HOMER1: variants seen among roughly 807,000 people sequenced by gnomAD.
HOMER1 encodes the protein homer protein homolog 1.
Under a neutral mutation model 48.9 loss-of-function variants are expected in HOMER1, and 3 were observed. The observed-to-expected ratio is 0.06, with a 90% CI of 0.03 to 0.16. HOMER1 has a LOEUF of 0.16. HOMER1 is among the 10% of genes least tolerant of loss of function. The probability of loss-of-function intolerance (pLI) is 1.00; values close to 1 mark genes in which losing one functional copy is unlikely to be tolerated. For synonymous variants in HOMER1, 134 were observed against 146.4 expected, an observed-to-expected ratio of 0.92 and a Z score of 0.61; for missense variants, 247 against 411.4, an observed-to-expected ratio of 0.60 and a Z score of 3.46.
intron 8 of HOMER1, among the ~76,000 whole-genome samples, chr5:79,389,294 A>G (rs13360983): frequency 0.4 from 60,365 of 151,972 alleles, 12,852 homozygotes; most frequent in East Asian, 0.54. Flanking sequence ...TAAATAAGCA[A>G]GATCTCAGAA....
At chr5:79,429,700 A>C (rs1941154990) in intron 5 of HOMER1, among the ~76,000 whole-genome samples, 1 of 152,204 alleles carries the variant, frequency 6.6e-6, no homozygotes, top group South Asian at 2.1e-4. Context: ...AAGTGCAAGA[A>C]AGAAAAAAAT....
At chr5:79,450,647 G>C (rs182307980) in intron 3 of HOMER1, among the ~76,000 whole-genome samples, 196 of 152,298 alleles carry the variant, frequency 1.3e-3, no homozygotes, top group Non-Finnish European at 2.3e-3. Flanking sequence ...CAATTCAAAA[G>C]AGCTTGGTAT....
rs538866966 is a variant in HOMER1 at position 79,512,347 on chromosome 5, T to C, written c.5+423A>G. Among the ~76,000 whole-genome samples, 9 of 152,352 alleles carry C rather than the reference T, an allele frequency of 5.9e-5. No individual in the cohort carries two copies. The East Asian group carries it at 1.7e-3, about 29-fold the overall frequency. On this transcript the variant is annotated intron_variant, in intron 1 of 8. Coordinates refer to ENST00000334082, the MANE Select transcript of HOMER1 (RefSeq NM_004272.5). ...TTTACTCTGGATCACTTTCAAGGACTGTTGTCTAACCACTCATTAAAATCG... is the reference window on the plus strand; with the variant it reads ...TTTACTCTGGATCACTTTCAAGGACCGTTGTCTAACCACTCATTAAAATCG...
chr5:79,465,002 TA>T (rs973985544), intron 1 of HOMER1, among the ~76,000 whole-genome samples: 1 of 152,152 alleles, frequency 6.6e-6, no homozygotes, highest in African/African-American at 2.4e-5. Flanking sequence ...AACCTTGCTA[TA>T]ATAGAAGTAT....
intron 5 of HOMER1, among the ~76,000 whole-genome samples, chr5:79,413,120 A>G (rs1749850154): frequency 6.6e-6 from 1 of 152,216 alleles, no homozygotes; most frequent in African/African-American, 2.4e-5. Flanking sequence ...AAAATGGGAG[A>G]AAAATTTGAT....
At chr5:79,426,045 G>GA (rs777851353) in intron 5 of HOMER1, among the ~76,000 whole-genome samples, 2,330 of 129,716 alleles carry the variant, frequency 0.018, 36 homozygotes, top group African/African-American at 0.046. Context: ...GATGAAAATT[G>GA]AAAAAAAAAA....
At chr5:79,466,112 A>G (rs1232024642) in intron 1 of HOMER1, among the ~76,000 whole-genome samples, 1 of 152,146 alleles carries the variant, frequency 6.6e-6, no homozygotes, top group Admixed American at 6.6e-5. Context: ...TATGTATTAA[A>G]TAACTGCCAA....
At chr5:79,493,073 C>T (rs970977059) in intron 1 of HOMER1, among the ~76,000 whole-genome samples, 2 of 151,998 alleles carry the variant, frequency 1.3e-5, no homozygotes, top group African/African-American at 2.4e-5. Flanking sequence ...CATGCACCAC[C>T]ACACCTGGCT....
chr5:79,505,530 A>T (rs1752743634), intron 1 of HOMER1, among the ~76,000 whole-genome samples: 1 of 152,204 alleles, frequency 6.6e-6, no homozygotes, highest in African/African-American at 2.4e-5. Flanking sequence ...CTCAATTCTT[A>T]CAACTTTTGT....
At chr5:79,387,336 C>T (rs1170990274) in intron 8 of HOMER1, among the ~76,000 whole-genome samples, 1 of 151,900 alleles carries the variant, frequency 6.6e-6, no homozygotes, top group Non-Finnish European at 1.5e-5. Context: ...ACTATGTTGC[C>T]CAGGCTAGTT....
rs1412636942 is a variant in HOMER1 at position 79,483,262 on chromosome 5, A to C, written c.6-26244T>G. 2.0e-5 allele frequency among the ~76,000 whole-genome samples: 3 copies of C among 152,200 alleles called. No individual in the cohort carries two copies. The East Asian group carries it at 5.8e-4, about 29-fold the overall frequency. ...CTTCTCATTGGAAACAATGCAAACC[A>C]GAAGAAGACAGAATATCTATAAAGT... On this transcript the variant is annotated intron_variant, in intron 1 of 8. Transcript: ENST00000334082.
intron 8 of HOMER1, among the ~76,000 whole-genome samples, chr5:79,381,566 A>G (rs1406917372): frequency 6.6e-6 from 1 of 152,230 alleles, no homozygotes; most frequent in Non-Finnish European, 1.5e-5. Context: ...AAAGAAGCTT[A>G]GTGAGATACA....
intron 5 of HOMER1, among the ~76,000 whole-genome samples, chr5:79,429,102 C>T (rs930788459): frequency 2.0e-5 from 3 of 152,206 alleles, no homozygotes; most frequent in African/African-American, 7.2e-5. Flanking sequence ...CAGTGGCTCA[C>T]ACCTGTAATT....
chr5:79,386,982 T>A (rs1183919986), intron 8 of HOMER1, among the ~76,000 whole-genome samples: 6 of 111,966 alleles, frequency 5.4e-5, no homozygotes, highest in African/African-American at 2.1e-4. Context: ...CTTCCTTCCC[T>A]CCCTCTCTGA....
chr5:79,500,963 G>GACACACACACACACACACACACACACAC (rs140189642), intron 1 of HOMER1, among the ~76,000 whole-genome samples: 10 of 101,680 alleles, frequency 9.8e-5, no homozygotes, highest in African/African-American at 3.3e-4. Flanking sequence ...GAGACAGACA[G>GACACACACACACACACACACACACACAC]ACACACACAC....
chr5:79,436,776 T>C (rs1750595670), intron 5 of HOMER1, among the ~76,000 whole-genome samples: 1 of 152,198 alleles, frequency 6.6e-6, no homozygotes, highest in African/African-American at 2.4e-5. Context: ...CTTAAAATAC[T>C]CAGTGTTCTA....
intron 1 of HOMER1, among the ~76,000 whole-genome samples, chr5:79,463,031 G>T (rs573634312): frequency 2.6e-5 from 4 of 152,300 alleles, no homozygotes; most frequent in Admixed American, 6.5e-5. Flanking sequence ...TTTTCCAAAA[G>T]AAAGTAGCCT....
intron 1 of HOMER1, among the ~76,000 whole-genome samples, chr5:79,475,895 C>T (rs1751763066): frequency 6.6e-6 from 1 of 152,022 alleles, no homozygotes; most frequent in Non-Finnish European, 1.5e-5. Context: ...ACTCAGGTAC[C>T]CTTAAAAGTG....
chr5:79,418,890 G>A (rs1213602633), intron 5 of HOMER1, among the ~76,000 whole-genome samples: 1 of 152,162 alleles, frequency 6.6e-6, no homozygotes, highest in Non-Finnish European at 1.5e-5. Context: ...GCCACACAGA[G>A]ATCACTGAAA....
Sources: gnomAD v4.1 joint callset for allele counts (sites outside exome capture counted in the v4.1 genomes callset) on GRCh38, gnomAD v4.1.1 for gene constraint, MANE v1.5 for transcripts, NCBI Gene and HGNC (gene_info 2026-07-23, HGNC 2026-07-21) for gene names.